ARHGAP6: variants seen among roughly 807,000 people sequenced by gnomAD.
The protein encoded by ARHGAP6 is rho GTPase-activating protein 6.
A neutral mutation model predicts 55.7 loss-of-function variants in ARHGAP6; 16 were observed. The observed-to-expected ratio is 0.29, with a 90% confidence interval of 0.19 to 0.44. The LOEUF (loss-of-function observed/expected upper bound fraction) is 0.44. Ranked by LOEUF, ARHGAP6 falls within the 20% of genes least tolerant of loss-of-function variation. The pLI is 1.00. For synonymous variants in ARHGAP6, 382 were observed against 360.9 expected (o/e 1.06, Z -0.66); for missense variants, 698 against 808.9 (o/e 0.86, Z 1.66).
At chrX:11,168,972 A>G (rs1347463033) in intron 9 of ARHGAP6, among the ~76,000 whole-genome samples, 1 of 112,083 alleles carries the variant, frequency 8.9e-6, no homozygotes, top group Non-Finnish European at 1.9e-5. Context: ...TTTATACTCT[A>G]CTAGGGGAAA....
At chrX:11,537,437 A>C (rs768527489) in intron 1 of ARHGAP6, among the ~76,000 whole-genome samples, 2 of 112,278 alleles carry the variant, frequency 1.8e-5, no homozygotes. Context: ...CACAACTCCA[A>C]ATCAGACACT....
intron 1 of ARHGAP6, among the ~76,000 whole-genome samples, chrX:11,407,463 A>G (rs1435948363): frequency 8.9e-6 from 1 of 112,125 alleles, no homozygotes; most frequent in East Asian, 2.8e-4. Flanking sequence ...GCATTCATGT[A>G]TAAGTTTTTT....
intron 1 of ARHGAP6, among the ~76,000 whole-genome samples, chrX:11,564,905 C>G (rs1297538577): frequency 8.9e-6 from 1 of 112,054 alleles, no homozygotes; most frequent in Admixed American, 9.5e-5. Flanking sequence ...AGGATAACCT[C>G]CTGGACAAAT....
intron 1 of ARHGAP6, among the ~76,000 whole-genome samples, chrX:11,554,283 A>G (rs1437852890): frequency 8.9e-6 from 1 of 111,892 alleles, no homozygotes; most frequent in Admixed American, 9.5e-5. Context: ...TAGTAACCAG[A>G]GCCTAGGAAG....
chrX:11,319,092 C>T (rs1393296216), intron 1 of ARHGAP6, among the ~76,000 whole-genome samples: 2 of 112,220 alleles, frequency 1.8e-5, no homozygotes, highest in Non-Finnish European at 3.8e-5. Flanking sequence ...AAATAATTTG[C>T]TCCTCTAAAA....
At chrX:11,372,811 C>CGAAATTATT (rs2049159963) in intron 1 of ARHGAP6, among the ~76,000 whole-genome samples, 1 of 80,494 alleles carries the variant, frequency 1.2e-5, no homozygotes, top group South Asian at 5.8e-4. Context: ...AGAAAAGAAA[C>CGAAATTATT]GAAATTATTG....
At chrX:11,155,813 G>C (rs1255406981) in intron 10 of ARHGAP6, among the ~76,000 whole-genome samples, 1 of 112,110 alleles carries the variant, frequency 8.9e-6, no homozygotes, top group Non-Finnish European at 1.9e-5. Flanking sequence ...GCCCTTAACT[G>C]GTTATGCCAA....
intron 1 of ARHGAP6, among the ~76,000 whole-genome samples, chrX:11,597,442 T>C (rs1195908091): frequency 8.9e-6 from 1 of 111,864 alleles, no homozygotes; most frequent in Non-Finnish European, 1.9e-5. Context: ...GCCAATTTAA[T>C]ATAGCTGATT....
chrX:11,163,764 C>T (rs182279649), intron 9 of ARHGAP6, among the ~76,000 whole-genome samples: 1 of 111,968 alleles, frequency 8.9e-6, no homozygotes, highest in East Asian at 2.8e-4. Flanking sequence ...AAATATTTCT[C>T]AAGTGCTTGA....
At chrX:11,328,787 T>G (rs1278382782) in intron 1 of ARHGAP6, among the ~76,000 whole-genome samples, 2 of 112,226 alleles carry the variant, frequency 1.8e-5, no homozygotes, top group Non-Finnish European at 3.8e-5. Flanking sequence ...TATTTCTGAG[T>G]GTGGAGATAT....
At chrX:11,301,450 T>C (rs190464060) in intron 1 of ARHGAP6, among the ~76,000 whole-genome samples, 194 of 111,927 alleles carry the variant, frequency 1.7e-3, no homozygotes, top group Non-Finnish European at 2.9e-3. Context: ...TCCTTTTTTC[T>C]TCCTACACCC....
chrX:11,387,524 G>A (rs1451619965), intron 1 of ARHGAP6, among the ~76,000 whole-genome samples: 1 of 111,739 alleles, frequency 8.9e-6, no homozygotes, highest in Non-Finnish European at 1.9e-5. Flanking sequence ...CTTGACTTAA[G>A]GAGCTTTAAA....
intron 5 of ARHGAP6, 22 bp from the exon 6 acceptor site, chrX:11,182,140 G>C (rs7060317): frequency 0.22 from 262,401 of 1,182,261 alleles, 21,159 homozygotes; most frequent in African/African-American, 0.35. Context: ...CAAACAAAAT[G>C]AACAGTCTTG....
At chrX:11,385,153 T>G (rs943668251) in intron 1 of ARHGAP6, among the ~76,000 whole-genome samples, 1 of 111,600 alleles carries the variant, frequency 9.0e-6, no homozygotes, top group Non-Finnish European at 1.9e-5. Context: ...GTTCTTGGTG[T>G]CTTGGTCCAA....
intron 1 of ARHGAP6, among the ~76,000 whole-genome samples, chrX:11,313,185 G>C (rs2048320221): frequency 8.9e-6 from 1 of 112,215 alleles, no homozygotes; most frequent in African/African-American, 3.2e-5. Flanking sequence ...ATTCCTGCCT[G>C]GGCAGTCTGG....
chrX:11,616,447 TC>T (rs1370533491), intron 1 of ARHGAP6, among the ~76,000 whole-genome samples: 2 of 111,345 alleles, frequency 1.8e-5, no homozygotes, highest in Non-Finnish European at 3.8e-5. Flanking sequence ...TGCCTCAGCC[TC>T]CCAAGTAGCT....
chrX:11,439,027 T>G (rs1326603189), intron 1 of ARHGAP6, among the ~76,000 whole-genome samples: 1 of 112,432 alleles, frequency 8.9e-6, no homozygotes, highest in East Asian at 2.8e-4. Flanking sequence ...TCATGGTGAG[T>G]GCTTAATAAA....
intron 1 of ARHGAP6, among the ~76,000 whole-genome samples, chrX:11,516,252 T>C (rs2050839081): frequency 8.9e-6 from 1 of 112,584 alleles, no homozygotes; most frequent in East Asian, 2.7e-4. Context: ...TGGTAACATA[T>C]ACATAATATA....
chrX:11,518,439 T>C (rs1305894384), intron 1 of ARHGAP6, among the ~76,000 whole-genome samples: 3 of 104,336 alleles, frequency 2.9e-5, no homozygotes, highest in Admixed American at 1.1e-4. Flanking sequence ...CCACTGTGCC[T>C]GGCCCAATTT....
Sources: allele counts gnomAD v4.1 joint callset (sites outside exome capture counted in the v4.1 genomes callset), GRCh38; gene constraint gnomAD v4.1.1; transcripts MANE v1.5; gene names NCBI Gene and HGNC (gene_info 2026-07-23, HGNC 2026-07-21).